The following LRRC37A2 variants were observed in gnomAD, a reference collection of about 807,000 sequenced individuals.
LRRC37A2 encodes the protein leucine-rich repeat-containing protein 37A2.
Under a neutral mutation model 68.8 loss-of-function variants are expected in LRRC37A2, and 9 were observed. The ratio of observed to expected loss-of-function variants is 0.13; its 90% CI spans 0.08 to 0.23. LRRC37A2 has a LOEUF of 0.23. Among genes scored for constraint, LRRC37A2 ranks in the 10% least tolerant of loss-of-function variants. The pLI, the probability that LRRC37A2 is intolerant of heterozygous loss-of-function variation, is 1.00. For synonymous variants in LRRC37A2, 63 were observed against 367.6 expected (o/e 0.17, Z 9.48); for missense variants, 168 against 950.4 (o/e 0.18, Z 10.82).
At chr17:46,476,685 A>AAATAAT in the LRRC37A2 span, 12 of 628,036 alleles carry the variant, frequency 1.9e-5, no homozygotes, top group East Asian at 1.4e-4. Flanking sequence ...CTCTGTCTCA[A>AAATAAT]AATAATAATA....
chr17:46,900,196 T>TAC, the LRRC37A2 span, among the ~76,000 whole-genome samples: 46 of 105,486 alleles, frequency 4.4e-4, no homozygotes, highest in African/African-American at 2.2e-3. Flanking sequence ...TATATATATA[T>TAC]ATATATACAC....
At chr17:46,875,379 C>T in the LRRC37A2 span, 1 of 1,581,212 alleles carries the variant, frequency 6.3e-7, no homozygotes, top group Non-Finnish European at 8.6e-7. Flanking sequence ...GAGCATGTCC[C>T]TGGCTGCCCG....
chr17:46,931,178 G>A, the LRRC37A2 span: 2 of 1,600,200 alleles, frequency 1.2e-6, no homozygotes, highest in Non-Finnish European at 1.7e-6. Context: ...CCAGCAAGGA[G>A]CCCCCTAACA....
the LRRC37A2 span, chr17:46,713,348 A>T: frequency 6.5e-6 from 1 of 153,502 alleles, no homozygotes; most frequent in African/African-American, 2.4e-5. Context: ...GAAGGCAGGG[A>T]TGTCTAAATG....
At chr17:46,546,101 C>G (rs1449225396) in intron 8 of LRRC37A2, among the ~76,000 whole-genome samples, 154 bp from the exon 8 acceptor site, 2 of 152,012 alleles carry the variant, frequency 1.3e-5, no homozygotes, top group Non-Finnish European at 2.9e-5. Flanking sequence ...CTTTTGTCCT[C>G]CTTCCTATTG....
At chr17:46,602,642 T>A in the LRRC37A2 span, 1 of 119,262 alleles carries the variant, frequency 8.4e-6, no homozygotes, top group Middle Eastern at 4.3e-3. Flanking sequence ...TTTAGTGTTA[T>A]GTGCTGACAA....
chr17:46,966,731 C>T, the LRRC37A2 span: 1 of 470,492 alleles, frequency 2.1e-6, no homozygotes, highest in African/African-American at 2.0e-5. Context: ...GTGACTTGAG[C>T]AATTTGTGCC....
the LRRC37A2 span, among the ~76,000 whole-genome samples, chr17:46,905,645 A>G: frequency 6.6e-6 from 1 of 152,196 alleles, no homozygotes; most frequent in Non-Finnish European, 1.5e-5. Flanking sequence ...TTGGGCAAGG[A>G]GCACCGACAG....
chr17:46,980,412 T>C, the LRRC37A2 span, among the ~76,000 whole-genome samples: 1 of 151,946 alleles, frequency 6.6e-6, no homozygotes, highest in Non-Finnish European at 1.5e-5. Flanking sequence ...TCTTTCTTTC[T>C]TTCTGTCTTC....
chr17:46,413,504 A>G, the LRRC37A2 span, among the ~76,000 whole-genome samples: 2 of 21,590 alleles, frequency 9.3e-5, no homozygotes, highest in East Asian at 2.8e-3. Context: ...ACACACACAC[A>G]CACACACACA....
At chr17:46,649,386 A>C in the LRRC37A2 span, among the ~76,000 whole-genome samples, 1 of 151,762 alleles carries the variant, frequency 6.6e-6, no homozygotes, top group Non-Finnish European at 1.5e-5. Flanking sequence ...TTAGGCAGCC[A>C]AGGCAGCATT....
At chr17:46,543,470 T>C (rs1223190772) in intron 8 of LRRC37A2, among the ~76,000 whole-genome samples, 1 of 150,980 alleles carries the variant, frequency 6.6e-6, no homozygotes, top group Non-Finnish European at 1.5e-5. Context: ...CATGTTATGA[T>C]TGGGACAATT....
the LRRC37A2 span, among the ~76,000 whole-genome samples, chr17:46,883,525 T>TCTG: frequency 6.6e-6 from 1 of 152,074 alleles, no homozygotes; most frequent in African/African-American, 2.4e-5. Flanking sequence ...CCTCAGGTGA[T>TCTG]CCACCCATCT....
the LRRC37A2 span, chr17:46,932,031 T>G: frequency 6.2e-7 from 1 of 1,608,248 alleles, no homozygotes; most frequent in South Asian, 1.1e-5. Flanking sequence ...CTGCCCTGAG[T>G]TCCTGGAATT....
At chr17:46,908,354 C>T in the LRRC37A2 span, among the ~76,000 whole-genome samples, 3 of 152,108 alleles carry the variant, frequency 2.0e-5, no homozygotes, top group Non-Finnish European at 2.9e-5. Flanking sequence ...GGGTCCTGGG[C>T]GCTTCCCTTT....
the LRRC37A2 span, among the ~76,000 whole-genome samples, chr17:46,802,145 A>G: frequency 1.3e-5 from 2 of 152,264 alleles, no homozygotes; most frequent in Non-Finnish European, 2.9e-5. Flanking sequence ...TAGAAACTCC[A>G]AAGTGATGTC....
At chr17:46,726,471 AAGAAGTAACTAAAC>A in the LRRC37A2 span, 1 of 1,318,954 alleles carries the variant, frequency 7.6e-7, no homozygotes, top group Non-Finnish European at 1.1e-6. Context: ...AGTATTGCTC[AAGAAGTAACTAAAC>A]TTCTTGGAAA....
chr17:46,965,532 C>A, the LRRC37A2 span, among the ~76,000 whole-genome samples: 1 of 152,180 alleles, frequency 6.6e-6, no homozygotes, highest in African/African-American at 2.4e-5. Context: ...TCCCCCTCAA[C>A]GTGACCTAAT....
the LRRC37A2 span, among the ~76,000 whole-genome samples, chr17:46,954,077 C>T: frequency 2.6e-5 from 4 of 151,882 alleles, no homozygotes; most frequent in Admixed American, 6.6e-5. Flanking sequence ...TTGTTGCCAT[C>T]GCTTTTGGTG....
Sources: gnomAD v4.1 joint callset for allele counts (sites outside exome capture counted in the v4.1 genomes callset) on GRCh38, gnomAD v4.1.1 for gene constraint, MANE v1.5 for transcripts, NCBI Gene and HGNC (gene_info 2026-07-23, HGNC 2026-07-21) for gene names.